Variants in FRMPD4 observed in about 807,000 individuals in gnomAD.
FRMPD4 encodes FERM and PDZ domain containing 4.
Under a neutral mutation model 94.1 loss-of-function variants are expected in FRMPD4, and 22 were observed. The ratio of observed to expected loss-of-function variants is 0.23; its 90% confidence interval spans 0.17 to 0.33. The LOEUF is 0.33. FRMPD4 is among the 10% of genes least tolerant of loss of function. The probability of loss-of-function intolerance (pLI) is 1.00; values close to 1 mark genes in which losing one functional copy is unlikely to be tolerated. For synonymous variants in FRMPD4, 631 were observed against 548.6 expected (o/e 1.15, Z -2.10); for missense variants, 1,111 against 1,339.9 (o/e 0.83, Z 2.67).
intron 3 of FRMPD4, among the ~76,000 whole-genome samples, chrX:11,930,107 C>CCAAAAAAAAAA (rs2054113633): frequency 7.5e-5 from 1 of 13,256 alleles, no homozygotes; most frequent in Non-Finnish European, 1.3e-4. Flanking sequence ...GACTCTGTCT[C>CCAAAAAAAAAA]AAAAAAAAAA....
intron 1 of FRMPD4, among the ~76,000 whole-genome samples, chrX:12,322,200 A>G (rs564170983): frequency 8.9e-6 from 1 of 111,908 alleles, no homozygotes; most frequent in African/African-American, 3.2e-5. Flanking sequence ...TGGTCAGGAA[A>G]CAAATCTGTG....
At chrX:12,472,472 G>T (rs921230292) in intron 1 of FRMPD4, among the ~76,000 whole-genome samples, 1 of 112,173 alleles carries the variant, frequency 8.9e-6, no homozygotes, top group Admixed American at 9.5e-5. Flanking sequence ...TCTGGTCATG[G>T]AGCAGAGATA....
chrX:11,835,207 G>C (rs1215377267), intron 1 of FRMPD4, among the ~76,000 whole-genome samples: 1 of 112,003 alleles, frequency 8.9e-6, no homozygotes, highest in East Asian at 2.8e-4. Flanking sequence ...AGTACACTCA[G>C]AAGAGCCCAT....
At chrX:12,455,371 G>A (rs1265257162) in intron 1 of FRMPD4, among the ~76,000 whole-genome samples, 1 of 111,540 alleles carries the variant, frequency 9.0e-6, no homozygotes, top group Non-Finnish European at 1.9e-5. Context: ...ATTAGTTATT[G>A]TTTAATTAAA....
At chrX:12,609,693 G>C in intron 2 of FRMPD4, 28 bp from the exon 3 acceptor site, 1 of 1,181,058 alleles carries the variant, frequency 8.5e-7, no homozygotes, top group Non-Finnish European at 1.2e-6. Flanking sequence ...TTGATGCCTT[G>C]TTTCTCTTGT....
chrX:11,966,335 G>T (rs773570645), intron 3 of FRMPD4, among the ~76,000 whole-genome samples: 2 of 111,163 alleles, frequency 1.8e-5, no homozygotes, highest in Admixed American at 9.5e-5. Context: ...GAGCTTGTTT[G>T]CCCCTTCTTC....
chrX:12,720,053 A>AGGAAAGGAAAGGAAAGGAAAG (rs11389537), intron 16 of FRMPD4, among the ~76,000 whole-genome samples: 27 of 41,526 alleles, frequency 6.5e-4, no homozygotes, highest in African/African-American at 1.9e-3. Flanking sequence ...AGGAAAGGAA[A>AGGAAAGGAAAGGAAAGGAAAG]GAAAGAAAGA....
In FRMPD4 at chrX:12,718,477, A is replaced by G; in HGVS notation, c.3651A>G (p.Ser1217=). 2.5e-6 allele frequency: 3 copies of G among 1,206,824 alleles called. No individual in the cohort carries two copies. The highest frequency in any genetic ancestry group is 3.4e-6 in the Non-Finnish European group (3 of 890,941). The change falls in exon 16 of 17, where the codon TCA becomes TCG. Residue 1217 remains serine, a synonymous_variant. Transcript: ENST00000675598. Reference sequence around the variant, plus strand: ...CTCTGCAGAGCTCCCAAGGCTCTTCAGTGGATGCAGGCTGTGGCACAGGCA... The same window carrying G: ...CTCTGCAGAGCTCCCAAGGCTCTTCGGTGGATGCAGGCTGTGGCACAGGCA... ...HFSLQSSQGS[S]VDAGCGTGSS... is the part of the protein sequence containing the mutation.
At chrX:12,153,027 G>A (rs972535847) in intron 1 of FRMPD4, among the ~76,000 whole-genome samples, 6 of 104,815 alleles carry the variant, frequency 5.7e-5, no homozygotes, top group East Asian at 5.9e-4. Context: ...TCCGCTTCCC[G>A]GGTTCACGCC....
intron 3 of FRMPD4, among the ~76,000 whole-genome samples, chrX:11,978,710 C>G (rs151205023): frequency 1.8e-5 from 2 of 111,533 alleles, no homozygotes; most frequent in Non-Finnish European, 3.8e-5. Flanking sequence ...AAATCATGCC[C>G]GACAATACAA....
intron 2 of FRMPD4, among the ~76,000 whole-genome samples, chrX:12,545,117 G>A (rs1187262658): frequency 8.9e-6 from 1 of 111,869 alleles, no homozygotes; most frequent in African/African-American, 3.3e-5. Flanking sequence ...AGCCTCTTCT[G>A]TTAGCACACG....
intron 1 of FRMPD4, among the ~76,000 whole-genome samples, chrX:12,315,869 G>T (rs776150666): frequency 8.1e-5 from 9 of 111,519 alleles, no homozygotes; most frequent in South Asian, 3.8e-4. Flanking sequence ...TTTTGGTTGT[G>T]GTTCTCAACA....
chrX:12,438,052 T>C (rs1208195906), intron 1 of FRMPD4, among the ~76,000 whole-genome samples: 2 of 111,471 alleles, frequency 1.8e-5, no homozygotes, highest in African/African-American at 6.5e-5. Context: ...CCTTTAGAAA[T>C]TTATTATTTT....
chrX:12,300,863 C>G (rs1446684083), intron 1 of FRMPD4, among the ~76,000 whole-genome samples: 1 of 111,401 alleles, frequency 9.0e-6, no homozygotes, highest in Non-Finnish European at 1.9e-5. Flanking sequence ...TGATTGGATC[C>G]AAGGACCATG....
At chrX:12,693,933 T>C (rs148284089) in intron 8 of FRMPD4, among the ~76,000 whole-genome samples, 5 of 111,517 alleles carry the variant, frequency 4.5e-5, no homozygotes, top group African/African-American at 1.3e-4. Context: ...CAGTGCTCCT[T>C]TGGCTGAGGT....
At chrX:11,965,369 GT>G (rs2054304748) in intron 3 of FRMPD4, among the ~76,000 whole-genome samples, 1 of 112,200 alleles carries the variant, frequency 8.9e-6, no homozygotes. Flanking sequence ...TCATTTCCTA[GT>G]TTTATTCCCC....
chrX:12,533,923 G>A (rs762804860), intron 2 of FRMPD4, among the ~76,000 whole-genome samples: 4 of 112,881 alleles, frequency 3.5e-5, no homozygotes, highest in Non-Finnish European at 7.5e-5. Context: ...ATTTGCACAA[G>A]TAACAAGGAG....
At chrX:11,847,409 T>C (rs767645710) in intron 1 of FRMPD4, among the ~76,000 whole-genome samples, 140 of 104,672 alleles carry the variant, frequency 1.3e-3, no homozygotes, top group Admixed American at 3.2e-3. Flanking sequence ...TGTGGAGAAA[T>C]AGGAACACTT....
At chrX:11,998,695 A>G (rs1169591917) in intron 3 of FRMPD4, among the ~76,000 whole-genome samples, 2 of 112,369 alleles carry the variant, frequency 1.8e-5, no homozygotes, top group Non-Finnish European at 3.8e-5. Context: ...TAGTCAATCC[A>G]TAAATCATAT....
Sources: allele counts gnomAD v4.1 joint callset (sites outside exome capture counted in the v4.1 genomes callset), GRCh38; gene constraint gnomAD v4.1.1; transcripts MANE v1.5; gene names NCBI Gene and HGNC (gene_info 2026-07-23, HGNC 2026-07-21).